The following KIF13A variants were observed in gnomAD, a reference collection of about 807,000 sequenced individuals.
KIF13A encodes the protein kinesin family member 13A.
Under a neutral mutation model 212.2 loss-of-function variants are expected in KIF13A, and 79 were observed. The observed-to-expected ratio is 0.37, with a 90% confidence interval of 0.31 to 0.45. KIF13A has a LOEUF of 0.45. Among genes scored for constraint, KIF13A ranks in the 20% least tolerant of loss-of-function variants. KIF13A has a pLI of 1.00. For missense variants in KIF13A, 1,901 were observed against 2,209.0 expected (o/e 0.86, Z 2.79); for synonymous variants, 789 against 808.6 (o/e 0.98, Z 0.41).
chr6:17,852,792 C>T (rs369762226), intron 6 of KIF13A, among the ~76,000 whole-genome samples: 2 of 152,192 alleles, frequency 1.3e-5, no homozygotes, highest in African/African-American at 4.8e-5. Flanking sequence ...GTTTATGCTA[C>T]TTCTATGCTT....
At chr6:17,822,258 G>T (rs1018809108) in intron 16 of KIF13A, among the ~76,000 whole-genome samples, 3 of 152,002 alleles carry the variant, frequency 2.0e-5, no homozygotes, top group Non-Finnish European at 4.4e-5. Context: ...GGCTAGGGTG[G>T]TCTCGAACTC....
At chr6:17,933,158 T>G (rs917166337) in intron 2 of KIF13A, among the ~76,000 whole-genome samples, 13 of 152,100 alleles carry the variant, frequency 8.5e-5, no homozygotes, top group African/African-American at 2.4e-4. Context: ...GAACATGAAT[T>G]TAAGAGTTGT....
chr6:17,883,395 A>T lies in KIF13A; in HGVS notation c.160-9958T>A, dbSNP rs2150455526. Among the ~76,000 whole-genome samples, 1 of 152,284 alleles carries T rather than the reference A, an allele frequency of 6.6e-6. No homozygotes were observed. Among genetic ancestry groups the T allele is most frequent in the East Asian group, 1.9e-4 (1 of 5,184 alleles). ...AAAAAATAAGGCAACTTCCTGGTGA[A>T]CTAACTACCTCTTAATCAATCATGT... On this transcript the variant is annotated intron_variant, in intron 3 of 38. Coordinates refer to ENST00000259711, the MANE Select transcript of KIF13A (RefSeq NM_022113.6). This position sits in a 1 kb window ranked among gnomAD's most constrained non-coding sequence, Gnocchi z 4.8.
chr6:17,822,143 G>A (rs1248632983), intron 16 of KIF13A, among the ~76,000 whole-genome samples: 1 of 151,218 alleles, frequency 6.6e-6, no homozygotes, highest in Non-Finnish European at 1.5e-5. Flanking sequence ...CCAGGTTCAG[G>A]TGGTGCTCCT....
At chr6:17,873,065 T>C (rs1157496790) in intron 4 of KIF13A, among the ~76,000 whole-genome samples, 2 of 152,188 alleles carry the variant, frequency 1.3e-5, no homozygotes, top group East Asian at 1.9e-4. Context: ...GACTGACTCC[T>C]AGGAAAGCCT....
At position 17,912,736 on chromosome 6, in the gene KIF13A, A is replaced by G. The variant is rs1253538660; in HGVS notation, c.147-14556T>C. The stretch of plus-strand genomic sequence containing the variant: ...AAGAAGGGATCACATGAAAATAAAC[A>G]CATCCTCCCAGTAATGATTTGGAAG... On this transcript the variant is annotated intron_variant, in intron 2 of 38. Coordinates refer to ENST00000259711, the MANE Select transcript of KIF13A (RefSeq NM_022113.6). This position sits in a 1 kb window ranked among gnomAD's most constrained non-coding sequence, Gnocchi z 4.2. 1.3e-5 allele frequency among the ~76,000 whole-genome samples: 2 copies of G among 152,220 alleles called. No homozygotes were observed. Among genetic ancestry groups the G allele is most frequent in the Non-Finnish European group, 2.9e-5 (2 of 68,044 alleles).
At chr6:17,983,595 C>G (rs1288526145) in intron 2 of KIF13A, among the ~76,000 whole-genome samples, 1 of 151,694 alleles carries the variant, frequency 6.6e-6, no homozygotes, top group Admixed American at 6.6e-5. Flanking sequence ...AAGGCTCAGG[C>G]GATTCTCCTG....
rs183991091 is a variant in KIF13A at position 17,787,004 on chromosome 6, C to T, written c.3361+772G>A. 1.3e-5 allele frequency among the ~76,000 whole-genome samples: 2 copies of T among 152,282 alleles called. No individual in the cohort carries two copies. Among genetic ancestry groups the T allele is most frequent in the East Asian group, 1.9e-4 (1 of 5,176 alleles). On this transcript the variant is annotated intron_variant, in intron 27 of 38. Transcript: ENST00000259711. This position sits in a 1 kb window ranked among gnomAD's most constrained non-coding sequence, Gnocchi z 4.6. ...GGCCACTGCTAGCATAAGCAAACTG[C>T]ACCCTTGGAGCTGAGTGGCAGTGAA...
chr6:17,906,219 T>G (rs926344755), intron 2 of KIF13A, among the ~76,000 whole-genome samples: 1 of 152,186 alleles, frequency 6.6e-6, no homozygotes, highest in Non-Finnish European at 1.5e-5. Flanking sequence ...GCCACCAAGT[T>G]TGTTTTGGAA....
intron 2 of KIF13A, among the ~76,000 whole-genome samples, chr6:17,913,220 G>A: frequency 9.5e-6 from 1 of 105,746 alleles, no homozygotes; most frequent in East Asian, 3.0e-4. Flanking sequence ...CGGGATTACG[G>A]GAGGAGCAGG....
chr6:17,929,404 A>ATT (rs35396541), intron 2 of KIF13A, among the ~76,000 whole-genome samples: 99,454 of 145,146 alleles, frequency 0.69, 34,871 homozygotes, highest in South Asian at 0.78. Flanking sequence ...ACTCTCGACT[A>ATT]TTTTTTTTTT....
intron 2 of KIF13A, among the ~76,000 whole-genome samples, chr6:17,929,532 C>G (rs1454710780): frequency 1.3e-5 from 2 of 151,638 alleles, no homozygotes; most frequent in African/African-American, 4.9e-5. Context: ...TCCCAAGTAG[C>G]TGGGACTACA....
Position 17,776,199 on chromosome 6 carries a change from T to C in KIF13A, c.4170+1078A>G, listed in dbSNP as rs1454299752. Among the ~76,000 whole-genome samples the C allele has an allele frequency of 6.6e-6, 1 of 152,200 alleles. No homozygotes were observed. Among genetic ancestry groups the C allele is most frequent in the Non-Finnish European group, 1.5e-5 (1 of 68,040 alleles). ...GATCTTCTTTACTTTTTAAGCTAGATGTTTACCTAATTCTTTTTTACTCTA... is the reference window on the plus strand; with the variant it reads ...GATCTTCTTTACTTTTTAAGCTAGACGTTTACCTAATTCTTTTTTACTCTA... On this transcript the variant is annotated intron_variant, in intron 34 of 38. Coordinates refer to ENST00000259711, the MANE Select transcript of KIF13A (RefSeq NM_022113.6). The surrounding 1 kb of genome is among the most constrained non-coding windows in gnomAD (Gnocchi z 4.6).
chr6:17,864,089 A>G (rs1001153684), intron 4 of KIF13A, among the ~76,000 whole-genome samples: 1 of 152,216 alleles, frequency 6.6e-6, no homozygotes, highest in African/African-American at 2.4e-5. Context: ...AGGTTCGTTA[A>G]GTCCCGTGGG....
intron 9 of KIF13A, among the ~76,000 whole-genome samples, chr6:17,842,726 T>A (rs1478245856): frequency 2.0e-5 from 3 of 151,866 alleles, no homozygotes; most frequent in African/African-American, 4.8e-5. Flanking sequence ...AGAATTTTTT[T>A]TAAAAAAATC....
intron 20 of KIF13A, among the ~76,000 whole-genome samples, chr6:17,801,557 C>A (rs1762476743): frequency 6.6e-6 from 1 of 152,178 alleles, no homozygotes; most frequent in South Asian, 2.1e-4. Flanking sequence ...CTAATAACAG[C>A]ATAGAATAGT....
intron 3 of KIF13A, among the ~76,000 whole-genome samples, chr6:17,884,199 A>G (rs535381871): frequency 2.6e-5 from 4 of 152,288 alleles, no homozygotes; most frequent in African/African-American, 7.2e-5. Flanking sequence ...ACACACACTC[A>G]TCTACCTAAG....
rs767467680 is a variant in KIF13A at position 17,987,434 on chromosome 6, G to C, written c.30C>G (p.Val10=). The part of the protein sequence containing the change: MSDTKVKVA[V]RVRPMNRREL... ...CTCGTCGGTTCATGGGCCGGACCCG[G>C]ACGGCAACTTTTACCTTGGTATCCG... Residue 10 remains valine, a synonymous_variant, in exon 1 of 39, where the codon GTC becomes GTG. Coordinates refer to ENST00000259711, the MANE Select transcript of KIF13A (RefSeq NM_022113.6). The surrounding 1 kb of genome is among the most constrained non-coding windows in gnomAD (Gnocchi z 7.7). 1.5e-6 allele frequency: 2 copies of C among 1,349,158 alleles called. No homozygotes were observed. The highest frequency in any genetic ancestry group is 9.3e-5 in the East Asian group (2 of 21,584). 83.6% of individuals were successfully genotyped at this position (1,349,158 alleles called of 1,614,324 possible). A position where few individuals can be genotyped will look rare whatever the true frequency, so the allele number is the denominator to read the frequency against.
At chr6:17,890,978 C>T (rs986157383) in intron 3 of KIF13A, among the ~76,000 whole-genome samples, 2 of 151,956 alleles carry the variant, frequency 1.3e-5, no homozygotes, top group African/African-American at 4.8e-5. Context: ...CTAATTTACA[C>T]CTATCTGCGA....
Sources: allele counts gnomAD v4.1 joint callset (sites outside exome capture counted in the v4.1 genomes callset), GRCh38; gene constraint gnomAD v4.1.1; non-coding constraint Gnocchi (gnomAD v3.1); transcripts MANE v1.5; gene names NCBI Gene and HGNC (gene_info 2026-07-23, HGNC 2026-07-21).